Variants in WDHD1 observed in about 807,000 individuals in gnomAD.
WDHD1 encodes WD repeat and HMG-box DNA binding protein 1, also known as WD repeat and HMG-box DNA-binding protein 1.
In WDHD1, 111 loss-of-function variants were observed where a neutral mutation model predicts 135.4. The observed-to-expected ratio is 0.82, with a 90% CI of 0.70 to 0.96. The LOEUF is 0.96. Among genes scored for constraint, WDHD1 ranks in the 40% least tolerant of loss-of-function variants. The pLI, the probability that WDHD1 is intolerant of heterozygous loss-of-function variation, is 0.00. For synonymous variants in WDHD1, 434 were observed against 439.0 expected, an observed-to-expected ratio of 0.99 and a Z score of 0.14; for missense variants, 1,351 against 1,336.3, an observed-to-expected ratio of 1.01 and a Z score of -0.17.
chr14:55,006,630 G>C (rs914499199), intron 7 of WDHD1, among the ~76,000 whole-genome samples: 1 of 151,840 alleles, frequency 6.6e-6, no homozygotes, highest in African/African-American at 2.4e-5. Flanking sequence ...TCTTTCTGTT[G>C]TCTAACTGTA....
chr14:54,974,913 T>A (rs1393919952), intron 16 of WDHD1, among the ~76,000 whole-genome samples: 2 of 152,220 alleles, frequency 1.3e-5, no homozygotes, highest in African/African-American at 4.8e-5. Context: ...CTTTTTCTTC[T>A]GTGTTGGACC....
At chr14:54,969,101 C>A (rs1425280071) in intron 16 of WDHD1, among the ~76,000 whole-genome samples, 1 of 151,968 alleles carries the variant, frequency 6.6e-6, no homozygotes, top group Non-Finnish European at 1.5e-5. Context: ...TGCAGTGGCA[C>A]GATCTCGGCT....
At chr14:54,946,498 T>C (rs2040927711) in intron 24 of WDHD1, among the ~76,000 whole-genome samples, 1 of 152,216 alleles carries the variant, frequency 6.6e-6, no homozygotes, top group African/African-American at 2.4e-5. Flanking sequence ...TTTGTTGTTG[T>C]TTTAAGAGAA....
Position 54,987,706 on chromosome 14 carries a change from G to C in WDHD1, c.1527-319C>G, listed in dbSNP as rs149020725. On this transcript the variant is annotated intron_variant, in intron 13 of 25. Coordinates refer to ENST00000360586, the MANE Select transcript of WDHD1 (RefSeq NM_007086.4). ...GTGATCTCTGCTCACTGCAACCTCC[G>C]CCTCCCAGGTTCAAGCAATTCTCCT... 7.2e-5 allele frequency among the ~76,000 whole-genome samples: 11 copies of C among 151,936 alleles called. No homozygotes were observed. The East Asian group carries it at 2.1e-3, about 29-fold the overall frequency.
At chr14:54,955,490 A>G (rs1254901269) in intron 24 of WDHD1, 71 bp downstream of exon 24, 3 of 1,366,772 alleles carry the variant, frequency 2.2e-6, no homozygotes, top group Non-Finnish European at 2.9e-6. Flanking sequence ...ACAGCATTGC[A>G]TAATTTTGTA....
intron 7 of WDHD1, chr14:55,004,978 G>A: frequency 5.5e-6 from 3 of 541,848 alleles, no homozygotes; most frequent in South Asian, 4.1e-5. Context: ...ACCTCAGGTT[G>A]AGGAGCACCG....
chr14:54,947,066 A>G (rs1339710879), intron 24 of WDHD1, among the ~76,000 whole-genome samples: 2 of 149,678 alleles, frequency 1.3e-5, no homozygotes, highest in East Asian at 4.0e-4. Context: ...CGGGCCAGGC[A>G]TGGTGGCTCA....
intron 24 of WDHD1, among the ~76,000 whole-genome samples, chr14:54,954,582 T>G (rs558979636): frequency 2.8e-4 from 42 of 152,320 alleles, no homozygotes; most frequent in Non-Finnish European, 4.9e-4. Flanking sequence ...GGTAACCATC[T>G]TTTGTCCACA....
chr14:55,026,376 A>G (rs992234325), intron 2 of WDHD1, among the ~76,000 whole-genome samples: 2 of 152,226 alleles, frequency 1.3e-5, no homozygotes, highest in African/African-American at 4.8e-5. Flanking sequence ...GAAGGATATC[A>G]TTCCAAACAG....
At chr14:54,998,846 T>C (rs1409983082) in intron 10 of WDHD1, among the ~76,000 whole-genome samples, 2 of 152,202 alleles carry the variant, frequency 1.3e-5, no homozygotes, top group East Asian at 1.9e-4. Flanking sequence ...GTAAATGCTA[T>C]TCATGGCTGA....
At position 55,003,587 on chromosome 14, in the gene WDHD1, C is replaced by CTATATATATATATATATATATATATATA. The variant is rs140023951; in HGVS notation, c.601-1403_601-1402insTATATATATATATATATATATATATATA. 3.9e-4 allele frequency among the ~76,000 whole-genome samples: 56 copies of CTATATATATATATATATATATATATATA among 143,726 alleles called. 1 individual carries two copies. Among genetic ancestry groups the CTATATATATATATATATATATATATATA allele is most frequent in the East Asian group, 2.0e-3 (10 of 5,112 alleles). The allele number at this position is 143,726 out of a possible 152,430, so 94.3% of individuals were successfully genotyped here. ...TGTATAAAAAAGAAAGAAAAACGAA[C>CTATATATATATATATATATATATATATA]TATATATATATAGTTGCCCAGGCTG... On this transcript the variant is annotated intron_variant, in intron 7 of 25. Coordinates refer to ENST00000360586, the MANE Select transcript of WDHD1 (RefSeq NM_007086.4).
chr14:54,969,502 C>G (rs1398517035), intron 16 of WDHD1, among the ~76,000 whole-genome samples: 1 of 151,910 alleles, frequency 6.6e-6, no homozygotes. Context: ...TAAAACTTCC[C>G]AAGACTGACT....
chr14:55,007,222 C>T (rs1343586689), intron 7 of WDHD1, 58 bp downstream of exon 7: 13 of 1,283,790 alleles, frequency 1.0e-5, no homozygotes, highest in East Asian at 2.6e-5. Flanking sequence ...AGTGAGACTC[C>T]ATCTCTAATA....
At chr14:54,987,097 A>T (rs2041705983) in intron 14 of WDHD1, 49 bp downstream of exon 14, 1 of 1,596,634 alleles carries the variant, frequency 6.3e-7, no homozygotes, top group Admixed American at 1.8e-5. Context: ...AAAAAAGCTC[A>T]AGTAATTTCC....
At chr14:54,956,919 G>C in intron 23 of WDHD1, 115 bp downstream of exon 23, 1 of 1,333,832 alleles carries the variant, frequency 7.5e-7, no homozygotes, top group Non-Finnish European at 1.0e-6. Flanking sequence ...CACTTCCCTA[G>C]CAAGACAATT....
At chr14:54,979,474 A>G (rs905437798) in intron 16 of WDHD1, among the ~76,000 whole-genome samples, 2 of 151,902 alleles carry the variant, frequency 1.3e-5, no homozygotes, top group African/African-American at 2.4e-5. Context: ...AAATTTCTTG[A>G]TAAGAGTTAT....
chr14:54,973,063 A>T (rs1383734431), intron 16 of WDHD1, among the ~76,000 whole-genome samples: 1 of 152,166 alleles, frequency 6.6e-6, no homozygotes, highest in Non-Finnish European at 1.5e-5. Flanking sequence ...AACTCTTTCA[A>T]CTTATGTACT....
intron 7 of WDHD1, among the ~76,000 whole-genome samples, chr14:55,003,890 T>G (rs1426119134): frequency 6.6e-6 from 1 of 152,200 alleles, no homozygotes; most frequent in Non-Finnish European, 1.5e-5. Flanking sequence ...TTATGTACAC[T>G]GTCTGCTCAT....
chr14:54,968,454 G>A (rs1015386461), intron 16 of WDHD1, among the ~76,000 whole-genome samples: 49 of 151,918 alleles, frequency 3.2e-4, no homozygotes, highest in Admixed American at 3.1e-3. Flanking sequence ...AGGGAAACTA[G>A]ATAAACGAGA....
Sources: allele counts gnomAD v4.1 joint callset (sites outside exome capture counted in the v4.1 genomes callset), GRCh38; gene constraint gnomAD v4.1.1; transcripts MANE v1.5; gene names NCBI Gene and HGNC (gene_info 2026-07-23, HGNC 2026-07-21).